The following CDH8 variants were observed in gnomAD, a reference collection of about 807,000 sequenced individuals.
CDH8 encodes the protein cadherin 8.
CDH8 carries 17 observed loss-of-function variants against 68.1 expected under a neutral mutation model. The ratio of observed to expected loss-of-function variants is 0.25; its 90% CI spans 0.17 to 0.37. The LOEUF is 0.37. Ranked by LOEUF, CDH8 falls within the 10% of genes least tolerant of loss-of-function variation. The probability of loss-of-function intolerance (pLI) is 1.00; values close to 1 mark genes in which losing one functional copy is unlikely to be tolerated. For missense variants in CDH8, 763 were observed against 999.3 expected, an observed-to-expected ratio of 0.76 and a Z score of 3.19; for synonymous variants, 372 against 365.1, an observed-to-expected ratio of 1.02 and a Z score of -0.21.
At chr16:61,985,493 T>TTTCTTTTGAAAC (rs1965610433) in intron 2 of CDH8, among the ~76,000 whole-genome samples, 2 of 152,160 alleles carry the variant, frequency 1.3e-5, no homozygotes, top group Non-Finnish European at 2.9e-5. Flanking sequence ...TCAAAAGAAG[T>TTTCTTTTGAAAC]TGGCTGAGTT....
chr16:61,919,465 C>T (rs1208236345), intron 2 of CDH8, among the ~76,000 whole-genome samples: 2 of 146,956 alleles, frequency 1.4e-5, no homozygotes, highest in Admixed American at 1.4e-4. Flanking sequence ...CAGAGAAGTG[C>T]TTAAAGGAGC....
At chr16:61,784,714 G>T (rs1961188277) in intron 8 of CDH8, among the ~76,000 whole-genome samples, 3 of 147,964 alleles carry the variant, frequency 2.0e-5, no homozygotes, top group African/African-American at 7.5e-5. Flanking sequence ...AAATGTAAAA[G>T]AACAGAAATT....
At chr16:61,683,703 T>C (rs1319223660) in intron 10 of CDH8, among the ~76,000 whole-genome samples, 2 of 152,062 alleles carry the variant, frequency 1.3e-5, no homozygotes, top group Admixed American at 6.6e-5. Context: ...GGATGGTTCA[T>C]GGTCACAAAT....
intron 7 of CDH8, among the ~76,000 whole-genome samples, chr16:61,816,143 C>A (rs896727692): frequency 1.3e-5 from 2 of 152,080 alleles, no homozygotes; most frequent in Non-Finnish European, 2.9e-5. Flanking sequence ...AGGTTAGACT[C>A]TTCTGCAGGA....
In CDH8 at chr16:61,708,407, G is replaced by T. The variant is rs74900802; in HGVS notation, c.1654+5434C>A. Among the ~76,000 whole-genome samples the T allele has an allele frequency of 3.4e-4, 52 of 152,278 alleles. 1 individual carries two copies. The East Asian group carries it at 9.7e-3, about 28-fold the overall frequency. On this transcript the variant is annotated intron_variant, in intron 10 of 11. Coordinates refer to ENST00000577390, the MANE Select transcript of CDH8 (RefSeq NM_001796.5). The stretch of plus-strand genomic sequence containing the variant: ...AGATACCCACAGCAGTGCTATGTCT[G>T]ACCAGAGTAATAATTTCAGGATTTT...
chr16:61,760,477 A>AT (rs1003028692), intron 8 of CDH8, among the ~76,000 whole-genome samples: 2 of 151,296 alleles, frequency 1.3e-5, no homozygotes, highest in Non-Finnish European at 2.9e-5. Flanking sequence ...TGCCCAGCTA[A>AT]TTTTTTTGAA....
chr16:61,764,732 C>A (rs1960546927), intron 8 of CDH8, among the ~76,000 whole-genome samples: 1 of 151,976 alleles, frequency 6.6e-6, no homozygotes, highest in Non-Finnish European at 1.5e-5. Context: ...TATTTTACCC[C>A]CCTTCCCTTT....
At chr16:61,896,656 C>T (rs1371468677) in intron 3 of CDH8, among the ~76,000 whole-genome samples, 1 of 152,194 alleles carries the variant, frequency 6.6e-6, no homozygotes, top group Non-Finnish European at 1.5e-5. Context: ...AATAATGCAG[C>T]CGCCTCTGCT....
chr16:61,884,926 G>A (rs1478928598), intron 3 of CDH8, among the ~76,000 whole-genome samples: 1 of 151,954 alleles, frequency 6.6e-6, no homozygotes, highest in Non-Finnish European at 1.5e-5. Context: ...GTAAGGAAAG[G>A]CCACCCAAAA....
chr16:61,977,136 T>C (rs1334188722), intron 2 of CDH8, among the ~76,000 whole-genome samples: 1 of 152,146 alleles, frequency 6.6e-6, no homozygotes, highest in Non-Finnish European at 1.5e-5. Context: ...TTTACTTCTA[T>C]AGAATTCAAC....
chr16:61,926,899 C>G (rs1964464700), intron 2 of CDH8, among the ~76,000 whole-genome samples: 1 of 152,136 alleles, frequency 6.6e-6, no homozygotes, highest in African/African-American at 2.4e-5. Flanking sequence ...TGCCATTGAA[C>G]TCTGCCATTC....
intron 10 of CDH8, among the ~76,000 whole-genome samples, chr16:61,662,762 T>C (rs1213126244): frequency 6.6e-6 from 1 of 151,886 alleles, no homozygotes; most frequent in Non-Finnish European, 1.5e-5. Flanking sequence ...AGGATGTACA[T>C]AGAGTATGTG....
intron 10 of CDH8, among the ~76,000 whole-genome samples, chr16:61,708,609 G>A (rs1006045799): frequency 6.6e-6 from 1 of 152,138 alleles, no homozygotes; most frequent in Non-Finnish European, 1.5e-5. Flanking sequence ...CTTAGAAACT[G>A]GAAACACAAA....
At chr16:61,883,137 A>G (rs957201862) in intron 3 of CDH8, among the ~76,000 whole-genome samples, 1 of 152,126 alleles carries the variant, frequency 6.6e-6, no homozygotes, top group Admixed American at 6.5e-5. Flanking sequence ...TTAAGAAAGA[A>G]TATTTAGAGT....
chr16:61,821,124 A>G lies in CDH8; in HGVS notation c.836-11T>C, dbSNP rs373827095. The G allele has an allele frequency of 9.1e-5, 145 of 1,587,820 alleles. No homozygotes were observed. The highest frequency in any genetic ancestry group is 1.2e-4 in the Non-Finnish European group (142 of 1,165,142). On this transcript the variant is annotated splice_polypyrimidine_tract_variant and intron_variant, in intron 5 of 11. Transcript: ENST00000577390. Reference sequence around the variant, plus strand: ...AGAAGTGATACAGGCCTTTAAAAAGAGGAGAAACAATGAGAGTCACACAAA... The same window carrying G: ...AGAAGTGATACAGGCCTTTAAAAAGGGGAGAAACAATGAGAGTCACACAAA...
chr16:61,844,765 T>C (rs1054544483), intron 4 of CDH8, among the ~76,000 whole-genome samples: 1 of 152,182 alleles, frequency 6.6e-6, no homozygotes, highest in Non-Finnish European at 1.5e-5. Context: ...CTTCTAACTA[T>C]TACAGGATAA....
At chr16:61,862,024 TG>T (rs1166721676) in intron 3 of CDH8, among the ~76,000 whole-genome samples, 1 of 151,972 alleles carries the variant, frequency 6.6e-6, no homozygotes, top group African/African-American at 2.4e-5. Context: ...TCATTAAATT[TG>T]GGGGGAAACA....
At position 61,930,467 on chromosome 16, in the gene CDH8, T is replaced by G. The variant is rs201239706; in HGVS notation, c.253-28994A>C. 7.9e-5 allele frequency among the ~76,000 whole-genome samples: 12 copies of G among 152,314 alleles called. No individual in the cohort carries two copies. In the East Asian group the frequency reaches 1.9e-3, roughly 25 times the overall value. On this transcript the variant is annotated intron_variant, in intron 2 of 11. Coordinates refer to ENST00000577390, the MANE Select transcript of CDH8 (RefSeq NM_001796.5). ...ATTTAGCACATTAAGTCACTGACCTTTGCTTACACTACAACTAGATGGCCT... is the reference window on the plus strand; with the variant it reads ...ATTTAGCACATTAAGTCACTGACCTGTGCTTACACTACAACTAGATGGCCT...
At chr16:61,954,100 T>C (rs1964944576) in intron 2 of CDH8, among the ~76,000 whole-genome samples, 1 of 151,888 alleles carries the variant, frequency 6.6e-6, no homozygotes. Flanking sequence ...CAATGTATAA[T>C]TGCCAGATTT....
Sources: allele counts gnomAD v4.1 joint callset (sites outside exome capture counted in the v4.1 genomes callset), GRCh38; gene constraint gnomAD v4.1.1; transcripts MANE v1.5; gene names NCBI Gene and HGNC (gene_info 2026-07-23, HGNC 2026-07-21).